The following MACROD2 variants were observed in gnomAD, a reference collection of about 807,000 sequenced individuals.
The protein encoded by MACROD2 is ADP-ribose glycohydrolase MACROD2.
In MACROD2, 36 loss-of-function variants were observed where a neutral mutation model predicts 70.4. The ratio of observed to expected loss-of-function variants is 0.51; its 90% CI spans 0.39 to 0.68. The LOEUF (loss-of-function observed/expected upper bound fraction) is 0.68, where lower values mean the gene tolerates loss of function less well. MACROD2 is among the 30% of genes least tolerant of loss of function. MACROD2 has a pLI of 0.00. For synonymous variants in MACROD2, 172 were observed against 178.8 expected (o/e 0.96, Z 0.30); for missense variants, 496 against 538.4 (o/e 0.92, Z 0.78).
chr20:14,516,167 A>G (rs2085098099), intron 4 of MACROD2, among the ~76,000 whole-genome samples: 1 of 151,684 alleles, frequency 6.6e-6, no homozygotes, highest in South Asian at 2.1e-4. Flanking sequence ...ATTTTGCTTA[A>G]CAAGTATTGC....
intron 8 of MACROD2, among the ~76,000 whole-genome samples, chr20:15,547,763 T>C (rs1474263452): frequency 6.6e-6 from 1 of 152,216 alleles, no homozygotes; most frequent in East Asian, 1.9e-4. Context: ...CCACTGAGCA[T>C]GTAGCAGGAC....
chr20:14,918,702 T>TA (rs1405642409), intron 5 of MACROD2, among the ~76,000 whole-genome samples: 3 of 151,384 alleles, frequency 2.0e-5, no homozygotes, highest in Admixed American at 1.3e-4. Context: ...ATCCCACACT[T>TA]ACGCATTTCT....
chr20:15,806,041 C>G (rs2063766183), intron 8 of MACROD2, among the ~76,000 whole-genome samples: 1 of 152,208 alleles, frequency 6.6e-6, no homozygotes. Context: ...AGAACAGACC[C>G]TGTGAAACCT....
At chr20:16,039,292 T>C (rs1384975471) in intron 15 of MACROD2, among the ~76,000 whole-genome samples, 2 of 152,014 alleles carry the variant, frequency 1.3e-5, no homozygotes, top group African/African-American at 4.8e-5. Context: ...TAATTTGCAT[T>C]CCTTTTGTTG....
At position 14,949,696 on chromosome 20, in the gene MACROD2, A is replaced by G. The variant is rs182254968; in HGVS notation, c.418+264737A>G. ...GACGCATTCATGGTTTTCTTTCCAT[A>G]TGTTTGAGTGCCTGCTATGTGACAA... On this transcript the variant is annotated intron_variant, in intron 5 of 17. Transcript: ENST00000684519. Among the ~76,000 whole-genome samples the G allele has an allele frequency of 2.2e-4, 34 of 152,284 alleles. No homozygotes were observed. The East Asian group carries it at 6.4e-3, about 29-fold the overall frequency.
rs150631016 is a variant in MACROD2, at chr20:14,903,224, A to G, written c.418+218265A>G. ...GCCCAGCTAAATTTGTATTCTTAGT[A>G]GAGACGGGGTTTCACCATATTGGCC... is the stretch of plus-strand genomic sequence containing the variant. On this transcript the variant is annotated intron_variant, in intron 5 of 17. Transcript: ENST00000684519. 8.8e-3 allele frequency among the ~76,000 whole-genome samples: 1,342 copies of G among 151,896 alleles called. 21 individuals carry two copies. Among genetic ancestry groups the G allele is most frequent in the African/African-American group, 0.031 (1,275 of 41,422 alleles).
intron 8 of MACROD2, among the ~76,000 whole-genome samples, chr20:15,650,193 G>A (rs1446666379): frequency 6.6e-6 from 1 of 152,146 alleles, no homozygotes; most frequent in Non-Finnish European, 1.5e-5. Context: ...ATCTGGCTGG[G>A]CTCAGCAATG....
intron 4 of MACROD2, among the ~76,000 whole-genome samples, chr20:14,615,830 G>T (rs554402273): frequency 6.6e-6 from 1 of 152,104 alleles, no homozygotes; most frequent in Non-Finnish European, 1.5e-5. Context: ...CATGAGAAAG[G>T]CAGGAAAGCA....
intron 8 of MACROD2, among the ~76,000 whole-genome samples, chr20:15,666,223 G>A (rs2049895723): frequency 6.6e-6 from 1 of 152,136 alleles, no homozygotes; most frequent in Non-Finnish European, 1.5e-5. Context: ...GTGAAACTGA[G>A]TGTTAGACAT....
chr20:14,638,736 A>T (rs1019149662), intron 4 of MACROD2, among the ~76,000 whole-genome samples: 1 of 152,074 alleles, frequency 6.6e-6, no homozygotes, highest in African/African-American at 2.4e-5. Context: ...GGATCACGAG[A>T]TCAGGAGATC....
At chr20:15,552,723 C>T (rs1203750492) in intron 8 of MACROD2, 1 of 152,212 alleles carries the variant, frequency 6.6e-6, no homozygotes, top group African/African-American at 2.4e-5. Flanking sequence ...CAAGGGCATC[C>T]CTTAATCAAT....
intron 8 of MACROD2, among the ~76,000 whole-genome samples, chr20:15,577,618 TGCGTACTCCCTGC>T (rs2048466942): frequency 7.8e-6 from 1 of 128,182 alleles, no homozygotes; most frequent in Non-Finnish European, 1.6e-5. Flanking sequence ...TCTCCGTGCG[TGCGTACTCCCTGC>T]GTGCGTACTC....
At chr20:15,133,335 A>G (rs1261533650) in intron 5 of MACROD2, among the ~76,000 whole-genome samples, 1 of 152,116 alleles carries the variant, frequency 6.6e-6, no homozygotes, top group Non-Finnish European at 1.5e-5. Flanking sequence ...AATCTCATAG[A>G]CAAAAACAAC....
At chr20:15,108,553 T>C (rs2075929811) in intron 5 of MACROD2, among the ~76,000 whole-genome samples, 2 of 152,210 alleles carry the variant, frequency 1.3e-5, no homozygotes, top group Admixed American at 1.3e-4. Context: ...TTCTAGATAC[T>C]CCTAGAATCC....
chr20:14,147,077 A>G (rs1304251642), intron 3 of MACROD2, among the ~76,000 whole-genome samples: 1 of 152,192 alleles, frequency 6.6e-6, no homozygotes, highest in East Asian at 1.9e-4. Flanking sequence ...GTGGGATGGA[A>G]GAAGGACTAA....
intron 3 of MACROD2, chr20:14,325,686 C>T: frequency 6.2e-7 from 1 of 1,613,870 alleles, no homozygotes; most frequent in Non-Finnish European, 8.5e-7. Context: ...TTACAAACTC[C>T]TCCTTCGAGA....
At chr20:14,624,798 A>G (rs1399278240) in intron 4 of MACROD2, among the ~76,000 whole-genome samples, 1 of 152,140 alleles carries the variant, frequency 6.6e-6, no homozygotes, top group Non-Finnish European at 1.5e-5. Context: ...AAAGAAGGAA[A>G]AAGTATGAGC....
intron 5 of MACROD2, among the ~76,000 whole-genome samples, chr20:14,975,804 C>G (rs2074734145): frequency 6.6e-6 from 1 of 152,094 alleles, no homozygotes; most frequent in Non-Finnish European, 1.5e-5. Flanking sequence ...TGTATTTGAA[C>G]CTGAGCTGAA....
intron 3 of MACROD2, among the ~76,000 whole-genome samples, chr20:14,230,690 T>A (rs865905983): frequency 8.0e-6 from 1 of 124,892 alleles, no homozygotes. Flanking sequence ...TATATATATA[T>A]ATATATATAT....
Sources: allele counts gnomAD v4.1 joint callset (sites outside exome capture counted in the v4.1 genomes callset), GRCh38; gene constraint gnomAD v4.1.1; transcripts MANE v1.5; gene names NCBI Gene and HGNC (gene_info 2026-07-23, HGNC 2026-07-21).